GAS7: variants seen among roughly 807,000 people sequenced by gnomAD.
The protein encoded by GAS7 is growth arrest specific 7.
In GAS7, 28 loss-of-function variants were observed where a neutral mutation model predicts 71.1. The ratio of observed to expected loss-of-function variants is 0.39; its 90% confidence interval spans 0.29 to 0.54. The LOEUF (loss-of-function observed/expected upper bound fraction) is 0.54. Among genes scored for constraint, GAS7 ranks in the 20% least tolerant of loss-of-function variants. The pLI, the probability that GAS7 is intolerant of heterozygous loss-of-function variation, is 0.62. For missense variants in GAS7, 436 were observed against 627.8 expected (o/e 0.69, Z 3.27); for synonymous variants, 258 against 245.8 (o/e 1.05, Z -0.46).
intron 1 of GAS7, among the ~76,000 whole-genome samples, chr17:10,081,239 T>C (rs2073453589): frequency 6.6e-6 from 1 of 152,038 alleles, no homozygotes; most frequent in Non-Finnish European, 1.5e-5. Flanking sequence ...ACTGAAACCT[T>C]CCCCTCCCAG....
At position 9,943,254 on chromosome 17, in the gene GAS7, G is replaced by C. The variant is rs1164232389; in HGVS notation, c.616-18C>G. 2.1e-6 allele frequency: 3 copies of C among 1,439,408 alleles called. No homozygotes were observed. Among genetic ancestry groups the C allele is most frequent in the South Asian group, 2.3e-5 (2 of 87,704 alleles). 89.2% of individuals were successfully genotyped at this position (1,439,408 alleles called of 1,614,324 possible). A position where few individuals can be genotyped will look rare whatever the true frequency, so the allele number is the denominator to read the frequency against. Reference sequence around the variant, plus strand: ...TTATCAGCCTACAAAGGAAGCAGAAGCACAAGAGTTTAGGGCACGTCTGAG... The same window carrying C: ...TTATCAGCCTACAAAGGAAGCAGAACCACAAGAGTTTAGGGCACGTCTGAG... On this transcript the variant is annotated intron_variant, in intron 6 of 13. Transcript: ENST00000432992.
At chr17:10,005,050 T>TAC (rs776237077) in intron 2 of GAS7, among the ~76,000 whole-genome samples, 1 of 150,080 alleles carries the variant, frequency 6.7e-6, no homozygotes, top group African/African-American at 2.5e-5. Context: ...TACATATATA[T>TAC]ACACATATAT....
chr17:10,076,764 C>T (rs1273781222), intron 1 of GAS7, among the ~76,000 whole-genome samples: 3 of 152,180 alleles, frequency 2.0e-5, no homozygotes, highest in Non-Finnish European at 2.9e-5. Flanking sequence ...TGAACTGTCT[C>T]TTCCTGCATG....
chr17:9,970,005 C>A (rs1236058348), intron 3 of GAS7, among the ~76,000 whole-genome samples: 1 of 152,182 alleles, frequency 6.6e-6, no homozygotes, highest in Non-Finnish European at 1.5e-5. Flanking sequence ...TCTTTTTTAA[C>A]CCGAGAGCAA....
rs1004522538 is a variant in GAS7 at position 9,931,841 on chromosome 17, T to C, written c.885+2325A>G. 2.0e-5 allele frequency among the ~76,000 whole-genome samples: 3 copies of C among 152,150 alleles called. No homozygotes were observed. In the East Asian group the frequency reaches 5.8e-4, roughly 29 times the overall value. On this transcript the variant is annotated intron_variant, in intron 9 of 13. Transcript: ENST00000432992. ...TGTTCCCTCTTCCAACCCAGCTCTT[T>C]AGAAAGTCCTTTCACGTGTCTCAGT...
chr17:10,101,338 C>T (rs925936684), intron 1 of GAS7, among the ~76,000 whole-genome samples: 3 of 152,206 alleles, frequency 2.0e-5, no homozygotes, highest in Non-Finnish European at 2.9e-5. Flanking sequence ...TGCGTCTCTC[C>T]CTAGGACAGC....
chr17:9,958,946 A>T, intron 5 of GAS7: 6 of 1,382,230 alleles, frequency 4.3e-6, no homozygotes, highest in Non-Finnish European at 5.6e-6. Flanking sequence ...GCCCTGAAAA[A>T]ACGGCTTCTG....
chr17:10,021,540 CT>C (rs2072268977), intron 1 of GAS7, among the ~76,000 whole-genome samples: 1 of 152,208 alleles, frequency 6.6e-6, no homozygotes, highest in African/African-American at 2.4e-5. Flanking sequence ...AAGCTTTCCC[CT>C]ATGCCCTGGA....
At chr17:10,193,651 C>T (rs2074518499) in intron 1 of GAS7, among the ~76,000 whole-genome samples, 1 of 152,172 alleles carries the variant, frequency 6.6e-6, no homozygotes, top group Admixed American at 6.5e-5. Flanking sequence ...AGAGAAAGGC[C>T]ATGTGGAAAG....
At chr17:10,129,989 T>C (rs537561769) in intron 1 of GAS7, among the ~76,000 whole-genome samples, 4 of 151,836 alleles carry the variant, frequency 2.6e-5, no homozygotes, top group Non-Finnish European at 4.4e-5. Flanking sequence ...CTGGCCAATA[T>C]GGTGAAACCA....
intron 11 of GAS7, among the ~76,000 whole-genome samples, chr17:9,921,752 C>G (rs9912292): frequency 0.46 from 70,230 of 151,634 alleles, 17,026 homozygotes; most frequent in African/African-American, 0.62. Context: ...GAGGTCAGGA[C>G]ATCGAGACCA....
intron 1 of GAS7, among the ~76,000 whole-genome samples, chr17:10,055,141 G>C (rs556410647): frequency 6.6e-6 from 1 of 152,316 alleles, no homozygotes; most frequent in Non-Finnish European, 1.5e-5. Flanking sequence ...CCTGGGGTAG[G>C]ATAGTGCACA....
chr17:10,133,239 C>A (rs546595693), intron 1 of GAS7, among the ~76,000 whole-genome samples: 6 of 151,908 alleles, frequency 3.9e-5, no homozygotes, highest in Admixed American at 3.9e-4. Flanking sequence ...TCTCCTATCT[C>A]AGTCTCCCAA....
chr17:10,130,524 G>C (rs984578565), intron 1 of GAS7, among the ~76,000 whole-genome samples: 2 of 151,988 alleles, frequency 1.3e-5, no homozygotes, highest in African/African-American at 4.8e-5. Flanking sequence ...AAAAACACAT[G>C]TCCACCCAAA....
At chr17:10,019,981 C>T in intron 1 of GAS7, 84 bp from the exon 2 acceptor site, 2 of 1,327,242 alleles carry the variant, frequency 1.5e-6, no homozygotes, top group Admixed American at 3.5e-5. Flanking sequence ...CTGATGAATT[C>T]ACCCTACAGT....
intron 1 of GAS7, among the ~76,000 whole-genome samples, chr17:10,171,424 T>C (rs1042019502): frequency 1.3e-5 from 2 of 152,128 alleles, no homozygotes; most frequent in Non-Finnish European, 2.9e-5. Flanking sequence ...GAGGAACACA[T>C]CAATTTAGCA....
chr17:10,096,450 C>T (rs1399241149), intron 1 of GAS7, among the ~76,000 whole-genome samples: 1 of 152,154 alleles, frequency 6.6e-6, no homozygotes, highest in Non-Finnish European at 1.5e-5. Context: ...AAGCACAAGT[C>T]CTTCAGGGAG....
intron 2 of GAS7, among the ~76,000 whole-genome samples, chr17:10,013,958 G>A (rs1464117871): frequency 6.6e-6 from 1 of 152,080 alleles, no homozygotes; most frequent in Non-Finnish European, 1.5e-5. Flanking sequence ...CACCCTCTGT[G>A]GCTGGGCAGG....
intron 2 of GAS7, among the ~76,000 whole-genome samples, chr17:10,015,554 C>G (rs2071959881): frequency 6.6e-6 from 1 of 152,160 alleles, no homozygotes; most frequent in Admixed American, 6.5e-5. Flanking sequence ...GTAAGAAAAA[C>G]ATGAGTGGCT....
Sources: allele counts gnomAD v4.1 joint callset (sites outside exome capture counted in the v4.1 genomes callset), GRCh38; gene constraint gnomAD v4.1.1; transcripts MANE v1.5; gene names NCBI Gene and HGNC (gene_info 2026-07-23, HGNC 2026-07-21).